LGMN: variants seen among roughly 807,000 people sequenced by gnomAD.
LGMN encodes the protein asparaginyl endopeptidase.
LGMN carries 36 observed loss-of-function variants against 56.8 expected under a neutral mutation model. The ratio of observed to expected loss-of-function variants is 0.63; its 90% CI spans 0.49 to 0.84. LGMN has a LOEUF of 0.84. LGMN is among the 40% of genes least tolerant of loss of function. The pLI, the probability that LGMN is intolerant of heterozygous loss-of-function variation, is 0.00. For synonymous variants in LGMN, 199 were observed against 210.1 expected, an observed-to-expected ratio of 0.95 and a Z score of 0.46; for missense variants, 446 against 556.1, an observed-to-expected ratio of 0.80 and a Z score of 1.99.
At chr14:92,729,261 C>T (rs934559466) in intron 2 of LGMN, among the ~76,000 whole-genome samples, 1 of 151,510 alleles carries the variant, frequency 6.6e-6, no homozygotes, top group African/African-American at 2.4e-5. Flanking sequence ...CCCTCCCAGG[C>T]TGGCCACACC....
Position 92,732,751 on chromosome 14 carries a change from G to A in LGMN, c.36C>T (p.Ala12=), listed in dbSNP as rs753702686. The change falls in exon 2 of 14, where the codon GCC becomes GCT. Residue 12 remains alanine (A), a synonymous_variant. Transcript: ENST00000334869. ...CTATAGGAACGGCACCAATGCCCAG[G>A]GCCACACTGAGGAATACAGCTACTT... ...VWKVAVFLSV[A]LGIGAVPIDD... The A allele has an allele frequency of 3.1e-6, 5 of 1,614,108 alleles. No homozygotes were observed. In the East Asian group the frequency reaches 1.1e-4, roughly 36 times the overall value.
In LGMN at chr14:92,710,880, T is replaced by C. The variant is rs112336007; in HGVS notation, c.819+779A>G. 9.7e-3 allele frequency among the ~76,000 whole-genome samples: 1,482 copies of C among 152,350 alleles called. 30 individuals carry two copies. The highest frequency in any genetic ancestry group is 0.033 in the African/African-American group (1,382 of 41,582). On this transcript the variant is annotated intron_variant, in intron 10 of 13. Transcript: ENST00000334869. ...CATTGTGCCCTGGGTGCAGGTCTCA[T>C]GTCCCCCATCCCATGCCCTGCTGAA...
chr14:92,727,786 G>T (rs373654769), intron 2 of LGMN, among the ~76,000 whole-genome samples: 2 of 152,130 alleles, frequency 1.3e-5, no homozygotes, highest in African/African-American at 4.8e-5. Context: ...CTCTTTCTCA[G>T]CCTCGAGTTC....
chr14:92,725,899 GA>G (rs1890718569), intron 2 of LGMN, among the ~76,000 whole-genome samples: 1 of 152,002 alleles, frequency 6.6e-6, no homozygotes, highest in Non-Finnish European at 1.5e-5. Flanking sequence ...ATATAAAAGT[GA>G]TATTGTGCAA....
At chr14:92,738,493 T>C (rs1172041174) in intron 1 of LGMN, among the ~76,000 whole-genome samples, 4 of 151,540 alleles carry the variant, frequency 2.6e-5, no homozygotes, top group Non-Finnish European at 5.9e-5. Context: ...TTAGCCAGGA[T>C]GGTCTCGATC....
chr14:92,703,956 A>T lies in LGMN; in HGVS notation c.*363T>A, dbSNP rs1268609279. The T allele has an allele frequency of 6.9e-6, 4 of 581,226 alleles. No homozygotes were observed. Among genetic ancestry groups the T allele is most frequent in the African/African-American group, 3.8e-5 (2 of 53,310 alleles). 36.0% of individuals were successfully genotyped at this position (581,226 alleles called of 1,614,324 possible). ...TTCAATAAAATCATTCTGAAGATTTAAAGAGGTTTCAGCTTCAAATTCTCA... is the reference window on the plus strand; with the variant it reads ...TTCAATAAAATCATTCTGAAGATTTTAAGAGGTTTCAGCTTCAAATTCTCA... On this transcript the variant is annotated 3_prime_UTR_variant, in exon 14 of 14. Transcript: ENST00000334869.
At chr14:92,732,533 G>T in intron 2 of LGMN, 116 bp downstream of exon 2, 3 of 1,158,840 alleles carry the variant, frequency 2.6e-6, no homozygotes, top group Non-Finnish European at 2.5e-6. Context: ...GTTACAGCCA[G>T]CCTAACAGGT....
At chr14:92,707,833 T>G (rs1889521774) in intron 11 of LGMN, among the ~76,000 whole-genome samples, 1 of 152,144 alleles carries the variant, frequency 6.6e-6, no homozygotes, top group Non-Finnish European at 1.5e-5. Context: ...TCCTATATGA[T>G]TTACACAGCT....
At chr14:92,713,973 A>C in intron 6 of LGMN, 88 bp from the exon 7 acceptor site, 1 of 990,484 alleles carries the variant, frequency 1.0e-6, no homozygotes. Flanking sequence ...GATCCTTCAT[A>C]AACTCTTTTC....
chr14:92,746,285 G>A (rs907421083), intron 1 of LGMN, among the ~76,000 whole-genome samples: 1 of 152,154 alleles, frequency 6.6e-6, no homozygotes. Flanking sequence ...TTCAGATTTC[G>A]ATACCCTCAG....
chr14:92,706,783 TAAC>T, intron 11 of LGMN, 130 bp from the exon 12 acceptor site: 1 of 777,122 alleles, frequency 1.3e-6, no homozygotes, highest in East Asian at 3.1e-5. Flanking sequence ...TTAGAGGAAA[TAAC>T]AATCAATGTG....
At chr14:92,705,731 G>A (rs563053605) in intron 12 of LGMN, among the ~76,000 whole-genome samples, 10 of 151,818 alleles carry the variant, frequency 6.6e-5, no homozygotes, top group Non-Finnish European at 1.2e-4. Context: ...TGGTTCAAGC[G>A]ATTCTCCTGC....
intron 11 of LGMN, 85 bp downstream of exon 11, chr14:92,709,587 C>T: frequency 9.4e-7 from 1 of 1,060,914 alleles, no homozygotes; most frequent in South Asian, 1.4e-5. Flanking sequence ...TGGCAGGGAG[C>T]ATAGGAGGCA....
In LGMN at chr14:92,712,783, G is replaced by C. The variant is rs373540385; in HGVS notation, c.610+22C>G. ...CAACCTGCTTGCCAGCCCAGGTCGAGGCCGGCGCCCCAACCACCTACCATT... is the reference window on the plus strand; with the variant it reads ...CAACCTGCTTGCCAGCCCAGGTCGACGCCGGCGCCCCAACCACCTACCATT... On this transcript the variant is annotated intron_variant, in intron 8 of 13. Coordinates refer to ENST00000334869, the MANE Select transcript of LGMN (RefSeq NM_005606.7). 4.3e-6 allele frequency: 7 copies of C among 1,611,862 alleles called. No individual in the cohort carries two copies. In the African/African-American group the frequency reaches 6.7e-5, roughly 15 times the overall value.
intron 12 of LGMN, 118 bp from the exon 13 acceptor site, chr14:92,704,825 A>G (rs1389653462): frequency 5.0e-6 from 4 of 801,048 alleles, no homozygotes; most frequent in Non-Finnish European, 8.9e-6. Flanking sequence ...ATTTTGGTTC[A>G]TGGATCCTTT....
chr14:92,708,650 G>A (rs930848233), intron 11 of LGMN, among the ~76,000 whole-genome samples: 5 of 151,994 alleles, frequency 3.3e-5, no homozygotes, highest in Non-Finnish European at 7.4e-5. Context: ...GAGGTCAGGA[G>A]TTCGAGACCA....
intron 2 of LGMN, among the ~76,000 whole-genome samples, chr14:92,729,180 G>A (rs1318499066): frequency 7.0e-6 from 1 of 143,798 alleles, no homozygotes; most frequent in African/African-American, 2.6e-5. Flanking sequence ...CACTTCCCAG[G>A]TGCCTGCGCA....
intron 2 of LGMN, among the ~76,000 whole-genome samples, chr14:92,731,469 T>C (rs954289445): frequency 2.0e-5 from 3 of 152,190 alleles, no homozygotes; most frequent in Admixed American, 6.5e-5. Context: ...CAGTCTCTCC[T>C]TCACCCAGCC....
chr14:92,733,731 C>G (rs542297342), intron 1 of LGMN: 1 of 152,102 alleles, frequency 6.6e-6, no homozygotes, highest in Non-Finnish European at 1.5e-5. Context: ...TGCCTGAAAC[C>G]GGGAGGTGGA....
Sources: allele counts gnomAD v4.1 joint callset (sites outside exome capture counted in the v4.1 genomes callset), GRCh38; gene constraint gnomAD v4.1.1; transcripts MANE v1.5; gene names NCBI Gene and HGNC (gene_info 2026-07-23, HGNC 2026-07-21).